Variants in ROBO1 observed in about 807,000 individuals in gnomAD.
ROBO1 encodes the protein roundabout homolog 1.
ROBO1 carries 149 observed loss-of-function variants against 195.9 expected under a neutral mutation model. The ratio of observed to expected loss-of-function variants is 0.76; its 90% confidence interval spans 0.67 to 0.87. The LOEUF (loss-of-function observed/expected upper bound fraction) is 0.87. Ranked by LOEUF, ROBO1 falls within the 40% of genes least tolerant of loss-of-function variation. The probability of loss-of-function intolerance (pLI) is 0.00; values close to 1 mark genes in which losing one functional copy is unlikely to be tolerated. For missense variants in ROBO1, 1,933 were observed against 2,068.3 expected, an observed-to-expected ratio of 0.93 and a Z score of 1.27; for synonymous variants, 816 against 733.2, an observed-to-expected ratio of 1.11 and a Z score of -1.82.
intron 4 of ROBO1, among the ~76,000 whole-genome samples, chr3:78,875,552 A>C (rs2035790199): frequency 6.6e-6 from 1 of 152,098 alleles, no homozygotes; most frequent in Non-Finnish European, 1.5e-5. Context: ...AATAGAAAAA[A>C]AAATCAATTG....
intron 1 of ROBO1, among the ~76,000 whole-genome samples, chr3:79,635,052 T>C (rs1344814294): frequency 6.6e-6 from 1 of 152,196 alleles, no homozygotes; most frequent in Non-Finnish European, 1.5e-5. Context: ...TGGGAATAAA[T>C]CAAAATGCTA....
rs553647987 is a variant in ROBO1, at chr3:79,536,108, C to T, written c.88+53716G>A. On this transcript the variant is annotated intron_variant, in intron 2 of 30. Coordinates refer to ENST00000464233, the MANE Select transcript of ROBO1 (RefSeq NM_002941.4). Reference sequence around the variant, plus strand: ...AATAATTTGTACAGGTTTATAGATGCAGCAAAATAGGTGAGAATTTAATTT... The same window carrying T: ...AATAATTTGTACAGGTTTATAGATGTAGCAAAATAGGTGAGAATTTAATTT... Among the ~76,000 whole-genome samples, 7 of 152,142 alleles carry T rather than the reference C, an allele frequency of 4.6e-5. No homozygotes were observed. In the South Asian group the frequency reaches 1.2e-3, roughly 27 times the overall value.
At chr3:78,846,160 A>G (rs552912572) in intron 4 of ROBO1, among the ~76,000 whole-genome samples, 24 of 152,260 alleles carry the variant, frequency 1.6e-4, no homozygotes, top group Non-Finnish European at 2.6e-4. Context: ...TGTAATTACA[A>G]ACAAAACTGC....
At chr3:79,617,689 TC>T (rs550629561) in intron 1 of ROBO1, among the ~76,000 whole-genome samples, 12 of 151,992 alleles carry the variant, frequency 7.9e-5, no homozygotes, top group Admixed American at 2.6e-4. Context: ...GATCACACTC[TC>T]TCTAGCAATG....
intron 3 of ROBO1, among the ~76,000 whole-genome samples, chr3:79,091,203 AT>A (rs1192661654): frequency 6.6e-6 from 1 of 152,168 alleles, no homozygotes; most frequent in African/African-American, 2.4e-5. Context: ...ACAGTTCAAT[AT>A]AACTTTTTAA....
chr3:79,353,142 AT>A lies in ROBO1; in HGVS notation c.89-227604del, dbSNP rs570891044. On this transcript the variant is annotated intron_variant, in intron 2 of 30. Coordinates refer to ENST00000464233, the MANE Select transcript of ROBO1 (RefSeq NM_002941.4). ...TGTAGTAAAAGCACAGTGAGATAACATTTTTTTATGTTCAGACTGCAGTATT... is the reference window on the plus strand; with the variant it reads ...TGTAGTAAAAGCACAGTGAGATAACATTTTTTATGTTCAGACTGCAGTATT... 6.6e-5 allele frequency among the ~76,000 whole-genome samples: 10 copies of A among 152,192 alleles called. No individual in the cohort carries two copies. In the South Asian group the frequency reaches 1.5e-3, roughly 22 times the overall value.
chr3:78,635,379 T>C (rs541584383), intron 23 of ROBO1, among the ~76,000 whole-genome samples: 2 of 152,124 alleles, frequency 1.3e-5, no homozygotes, highest in African/African-American at 2.4e-5. Context: ...AAAAATGCCA[T>C]TGGTTTATAT....
chr3:78,666,307 T>C (rs1329571741), intron 14 of ROBO1, among the ~76,000 whole-genome samples: 1 of 152,214 alleles, frequency 6.6e-6, no homozygotes, highest in African/African-American at 2.4e-5. Context: ...GCTATGCATA[T>C]GCAAAGGCAA....
chr3:78,774,997 AAT>A (rs2083468580), intron 4 of ROBO1, among the ~76,000 whole-genome samples: 1 of 152,224 alleles, frequency 6.6e-6, no homozygotes, highest in Non-Finnish European at 1.5e-5. Context: ...TACTTGAAAA[AAT>A]AGACTTTTTC....
intron 4 of ROBO1, among the ~76,000 whole-genome samples, chr3:78,875,355 G>A (rs2035777709): frequency 6.6e-6 from 1 of 151,944 alleles, no homozygotes; most frequent in East Asian, 1.9e-4. Context: ...GAAAGACTGA[G>A]AGAGACAATT....
At chr3:79,304,802 T>C (rs573430551) in intron 2 of ROBO1, among the ~76,000 whole-genome samples, 1 of 152,364 alleles carries the variant, frequency 6.6e-6, no homozygotes, top group South Asian at 2.1e-4. Flanking sequence ...CCATGTACAT[T>C]TGTAAACATT....
intron 2 of ROBO1, among the ~76,000 whole-genome samples, chr3:79,282,580 C>T (rs1407395178): frequency 6.6e-6 from 1 of 151,854 alleles, no homozygotes; most frequent in Non-Finnish European, 1.5e-5. Flanking sequence ...ACCTGTGGAA[C>T]AAGGGAGAAC....
chr3:79,608,254 C>A (rs1944551158), intron 1 of ROBO1, among the ~76,000 whole-genome samples: 1 of 151,920 alleles, frequency 6.6e-6, no homozygotes, highest in African/African-American at 2.4e-5. Context: ...TAATAATTAT[C>A]AGCTCTTCAG....
chr3:79,502,127 C>G (rs1940106078), intron 2 of ROBO1, among the ~76,000 whole-genome samples: 1 of 152,230 alleles, frequency 6.6e-6, no homozygotes, highest in Non-Finnish European at 1.5e-5. Flanking sequence ...GTTATCCGCG[C>G]CTTCTCGGCC....
chr3:78,758,418 G>A (rs184158004), intron 4 of ROBO1, among the ~76,000 whole-genome samples: 240 of 151,210 alleles, frequency 1.6e-3, no homozygotes, highest in African/African-American at 5.5e-3. Flanking sequence ...CCGCTACTTG[G>A]AAGGCTGAGG....
At chr3:79,592,279 T>G (rs1299380431) in intron 1 of ROBO1, among the ~76,000 whole-genome samples, 2 of 151,980 alleles carry the variant, frequency 1.3e-5, no homozygotes, top group Non-Finnish European at 2.9e-5. Flanking sequence ...CTTATTATAA[T>G]TGATTGAATT....
chr3:79,755,657 A>G (rs901363253), intron 1 of ROBO1, among the ~76,000 whole-genome samples: 22 of 142,162 alleles, frequency 1.5e-4, no homozygotes, highest in Admixed American at 6.3e-4. Flanking sequence ...GAATCATTAT[A>G]ATAAGAAGAA....
At chr3:78,947,189 G>A (rs1464961400) in intron 3 of ROBO1, among the ~76,000 whole-genome samples, 2 of 152,114 alleles carry the variant, frequency 1.3e-5, no homozygotes. Flanking sequence ...GACATCTACA[G>A]AACTCTCCAC....
intron 1 of ROBO1, among the ~76,000 whole-genome samples, chr3:79,621,945 G>A (rs970257920): frequency 3.9e-5 from 6 of 152,064 alleles, no homozygotes; most frequent in South Asian, 2.1e-4. Context: ...GCAGCATTCC[G>A]AGGCTCCCAT....
Sources: allele counts gnomAD v4.1 joint callset (sites outside exome capture counted in the v4.1 genomes callset), GRCh38; gene constraint gnomAD v4.1.1; transcripts MANE v1.5; gene names NCBI Gene and HGNC (gene_info 2026-07-23, HGNC 2026-07-21).